NCOA6: variants seen among roughly 807,000 people sequenced by gnomAD.
NCOA6 encodes the protein nuclear receptor coactivator 6, also known as NRC RAP250.
NCOA6 carries 49 observed loss-of-function variants against 171.4 expected under a neutral mutation model. The observed-to-expected ratio is 0.29, with a 90% CI of 0.23 to 0.36. The LOEUF is 0.36. NCOA6 is among the 10% of genes least tolerant of loss of function. The pLI is 1.00. For missense variants in NCOA6, 2,248 were observed against 2,554.5 expected (o/e 0.88, Z 2.59); for synonymous variants, 910 against 927.5 (o/e 0.98, Z 0.34).
At chr20:34,786,607 A>G (rs545228958) in intron 2 of NCOA6, among the ~76,000 whole-genome samples, 2 of 152,246 alleles carry the variant, frequency 1.3e-5, no homozygotes, top group East Asian at 1.9e-4. Flanking sequence ...TATTTACCCA[A>G]AAGTCATTCA....
Position 34,727,276 on chromosome 20 carries a change from G to T in NCOA6, c.6131C>A (p.Ala2044Asp). Residue 2044 changes from alanine (A) to aspartate (D), a missense_variant, in exon 14 of 15, where the codon GCC (alanine) becomes GAC (aspartate). Around this residue, in one of 7 missense-constraint regions of NCOA6, gnomAD observed 884 missense variants for 941.9 expected, o/e 0.94. Transcript: ENST00000359003. ...CTGCTAACCTTTAGTAGAGCTGGAG[G>T]CTGAAGCAGGTCGAGAAGATCGTTT... is the stretch of plus-strand genomic sequence containing the variant. The part of the protein sequence containing the change: ...HRKRSSRPAS[A>D]SSSTKDITSA... 6.2e-7 allele frequency: 1 copy of T among 1,614,166 alleles called. No individual in the cohort carries two copies. Among genetic ancestry groups the T allele is most frequent in the Non-Finnish European group, 8.5e-7 (1 of 1,180,034 alleles).
Position 34,758,904 on chromosome 20 carries a change from C to G in NCOA6, c.544G>C (p.Val182Leu). Residue 182 changes from valine to leucine, a missense_variant, in exon 6 of 15, where the codon GTT (valine) becomes CTT (leucine). Physicochemically the swap from Val to Leu is conservative, Grantham distance 32 (BLOSUM62 1). Transcript: ENST00000359003. ...ACATTTCCACCCGGGGGTATCATAA[C>G]AGTGGCAGGGTTGTTCATCCTTATT... Reference protein sequence around the residue: ...GIIRMNNPATVMIPPGGNVSS... With the variant: ...GIIRMNNPATLMIPPGGNVSS... 2 of 1,613,848 alleles carry G rather than the reference C, an allele frequency of 1.2e-6. No individual in the cohort carries two copies. Among genetic ancestry groups the G allele is most frequent in the South Asian group, 2.2e-5 (2 of 91,048 alleles).
intron 14 of NCOA6, among the ~76,000 whole-genome samples, chr20:34,721,464 T>C (rs1186675506): frequency 6.6e-6 from 1 of 151,942 alleles, no homozygotes; most frequent in African/African-American, 2.4e-5. Flanking sequence ...GTCCCCAACC[T>C]TTTTGGCATG....
chr20:34,799,931 CACAG>C (rs1177765082), intron 1 of NCOA6, among the ~76,000 whole-genome samples: 2 of 152,246 alleles, frequency 1.3e-5, no homozygotes, highest in African/African-American at 2.4e-5. Context: ...ATAGTAAGTA[CACAG>C]ACAAACACAG....
chr20:34,813,667 CATA>C (rs2078745462), intron 1 of NCOA6, among the ~76,000 whole-genome samples: 1 of 151,958 alleles, frequency 6.6e-6, no homozygotes, highest in South Asian at 2.1e-4. Context: ...AAAAGTTTAA[CATA>C]ATAAACATAT....
chr20:34,772,175 G>A (rs993199060), intron 4 of NCOA6, among the ~76,000 whole-genome samples: 2 of 152,040 alleles, frequency 1.3e-5, no homozygotes, highest in Admixed American at 6.6e-5. Context: ...AGTCAGGTCC[G>A]TGGTGGCACG....
At chr20:34,810,825 T>A (rs760685919) in intron 1 of NCOA6, among the ~76,000 whole-genome samples, 10 of 152,188 alleles carry the variant, frequency 6.6e-5, no homozygotes, top group Non-Finnish European at 1.2e-4. Flanking sequence ...ATTACAGGTG[T>A]GAGCCACCGT....
chr20:34,722,099 G>A (rs1050437610), intron 14 of NCOA6, among the ~76,000 whole-genome samples: 2 of 135,950 alleles, frequency 1.5e-5, no homozygotes, highest in Non-Finnish European at 3.1e-5. Context: ...AGAAAAAGCC[G>A]GCTGGGCATG....
intron 4 of NCOA6, among the ~76,000 whole-genome samples, chr20:34,773,381 G>A (rs1318396448): frequency 2.0e-5 from 3 of 152,220 alleles, no homozygotes; most frequent in Non-Finnish European, 4.4e-5. Context: ...AATGGAGAAC[G>A]GACTGTTGGG....
rs2076144461 is a variant in NCOA6 at position 34,741,529 on chromosome 20, G to A, written c.4727C>T (p.Pro1576Leu). 1.2e-6 allele frequency: 2 copies of A among 1,614,166 alleles called. No individual in the cohort carries two copies. Among genetic ancestry groups the A allele is most frequent in the Non-Finnish European group, 8.5e-7 (1 of 1,180,036 alleles). Residue 1576 changes from proline (P) to leucine (L), a missense_variant, in exon 11 of 15, where the codon CCT becomes CTT. Transcript: ENST00000359003. ...GCTAACAGGTCTTGACATTACTGGAGGGATGCTTGGTGCAACGTTAGAACT... is the reference window on the plus strand; with the variant it reads ...GCTAACAGGTCTTGACATTACTGGAAGGATGCTTGGTGCAACGTTAGAACT... ...EVSSNVAPSIPPVMSRPVSSS... is the reference protein window; with the variant it reads ...EVSSNVAPSILPVMSRPVSSS...
intron 8 of NCOA6, among the ~76,000 whole-genome samples, chr20:34,751,689 C>T (rs1231205326): frequency 6.6e-6 from 1 of 152,068 alleles, no homozygotes; most frequent in South Asian, 2.1e-4. Context: ...CCTGCGCAGT[C>T]CCTGGTGAAT....
chr20:34,753,190 C>T (rs6142237), intron 8 of NCOA6, among the ~76,000 whole-genome samples: 126,508 of 150,052 alleles, frequency 0.84, 53,517 homozygotes, highest in Admixed American at 0.91. Context: ...GGATTACAAG[C>T]GTCCGCCACC....
chr20:34,729,021 G>A (rs1990301233), intron 13 of NCOA6, among the ~76,000 whole-genome samples: 1 of 152,188 alleles, frequency 6.6e-6, no homozygotes, highest in African/African-American at 2.4e-5. Flanking sequence ...CAGGATCTCA[G>A]CAAAGTGCAA....
At chr20:34,732,047 T>A (rs955046798) in intron 13 of NCOA6, among the ~76,000 whole-genome samples, 1 of 152,096 alleles carries the variant, frequency 6.6e-6, no homozygotes, top group African/African-American at 2.4e-5. Context: ...TTTTGGAAAA[T>A]GGTAATATTC....
chr20:34,810,530 C>T (rs963310532), intron 1 of NCOA6, among the ~76,000 whole-genome samples: 3 of 151,924 alleles, frequency 2.0e-5, no homozygotes, highest in African/African-American at 4.8e-5. Flanking sequence ...AAGCCTAACG[C>T]CCATGCAACC....
chr20:34,736,348 G>A (rs538524762), intron 12 of NCOA6, among the ~76,000 whole-genome samples: 1 of 152,294 alleles, frequency 6.6e-6, no homozygotes, highest in Non-Finnish European at 1.5e-5. Flanking sequence ...CCATATGCCA[G>A]CTATTCAGCT....
At chr20:34,738,614 A>G (rs1215885869) in intron 11 of NCOA6, among the ~76,000 whole-genome samples, 1 of 152,178 alleles carries the variant, frequency 6.6e-6, no homozygotes, top group African/African-American at 2.4e-5. Context: ...TCCTGCCCCC[A>G]TCTCTCTAAC....
chr20:34,739,573 G>A (rs988911460), intron 11 of NCOA6, among the ~76,000 whole-genome samples: 1 of 152,180 alleles, frequency 6.6e-6, no homozygotes, highest in Non-Finnish European at 1.5e-5. Context: ...CCATTGTTCT[G>A]AAATAGTCAT....
intron 4 of NCOA6, among the ~76,000 whole-genome samples, chr20:34,769,520 C>G (rs1325228681): frequency 3.3e-5 from 5 of 152,088 alleles, no homozygotes; most frequent in Admixed American, 6.6e-5. Flanking sequence ...CCCACCACCA[C>G]GCCCAGCTAA....
Sources: gnomAD v4.1 joint callset for allele counts (sites outside exome capture counted in the v4.1 genomes callset) on GRCh38, gnomAD v4.1.1 for gene constraint, gnomAD v4.1.1 regional missense constraint, MANE v1.5 for transcripts, NCBI Gene and HGNC (gene_info 2026-07-23, HGNC 2026-07-21) for gene names.